The following SLC16A7 variants were observed in gnomAD, a reference collection of about 807,000 sequenced individuals.
The protein encoded by SLC16A7 is monocarboxylate transporter 2.
In SLC16A7, 33 loss-of-function variants were observed where a neutral mutation model predicts 34.9. The ratio of observed to expected loss-of-function variants is 0.94; its 90% CI spans 0.72 to 1.26. The LOEUF is 1.26. Among genes scored for constraint, SLC16A7 ranks in the 50% most tolerant of loss-of-function variants. The pLI is 0.00. For synonymous variants in SLC16A7, 201 were observed against 206.6 expected (o/e 0.97, Z 0.23); for missense variants, 573 against 578.1 (o/e 0.99, Z 0.09).
intron 3 of SLC16A7, among the ~76,000 whole-genome samples, chr12:59,756,245 A>G (rs890624687): frequency 3.3e-5 from 5 of 152,232 alleles, no homozygotes; most frequent in African/African-American, 1.2e-4. Flanking sequence ...CAAAAGCCAA[A>G]ATTGACAAAT....
chr12:59,664,532 A>G (rs2137034108), intron 2 of SLC16A7: 1 of 152,264 alleles, frequency 6.6e-6, no homozygotes, highest in East Asian at 1.9e-4. Context: ...GAGTCACTAA[A>G]CTATTAATGT....
chr12:59,623,792 A>G (rs1480115826), intron 1 of SLC16A7, among the ~76,000 whole-genome samples: 3 of 151,678 alleles, frequency 2.0e-5, no homozygotes, highest in African/African-American at 7.2e-5. Flanking sequence ...AGAAAATAAC[A>G]GAGTCTTGTT....
intron 1 of SLC16A7, among the ~76,000 whole-genome samples, chr12:59,605,007 C>G (rs771691139): frequency 6.6e-6 from 1 of 151,960 alleles, no homozygotes; most frequent in Non-Finnish European, 1.5e-5. Flanking sequence ...CCACCACGCC[C>G]GGCTAATTTT....
At chr12:59,614,376 T>C (rs1186002537) in intron 1 of SLC16A7, among the ~76,000 whole-genome samples, 1 of 152,084 alleles carries the variant, frequency 6.6e-6, no homozygotes, top group Non-Finnish European at 1.5e-5. Context: ...CTCCAGAAAA[T>C]GACCATCTCT....
At chr12:59,629,590 C>G (rs1429593767) in intron 1 of SLC16A7, among the ~76,000 whole-genome samples, 1 of 151,932 alleles carries the variant, frequency 6.6e-6, no homozygotes, top group Non-Finnish European at 1.5e-5. Context: ...GTGGTAGACT[C>G]TATTATAAGC....
intron 3 of SLC16A7, among the ~76,000 whole-genome samples, chr12:59,725,158 G>A (rs61933776): frequency 0.076 from 11,613 of 151,966 alleles, 537 homozygotes; most frequent in Middle Eastern, 0.17. Flanking sequence ...TTTTTGATGC[G>A]TTCTTAATGC....
chr12:59,628,393 A>G (rs1880020928), intron 1 of SLC16A7, among the ~76,000 whole-genome samples: 1 of 151,832 alleles, frequency 6.6e-6, no homozygotes, highest in South Asian at 2.1e-4. Context: ...TATGTCTTTG[A>G]ATACTCTGTT....
chr12:59,611,093 A>G (rs560314857), intron 1 of SLC16A7, among the ~76,000 whole-genome samples: 1 of 152,320 alleles, frequency 6.6e-6, no homozygotes, highest in Admixed American at 6.5e-5. Context: ...AAGGTCACTA[A>G]TTCCATTCAT....
intron 2 of SLC16A7, among the ~76,000 whole-genome samples, chr12:59,687,896 A>G (rs1414166472): frequency 7.2e-5 from 11 of 152,124 alleles, no homozygotes; most frequent in Middle Eastern, 3.2e-3. Flanking sequence ...CCTAAAGTCA[A>G]TGGATGGGGG....
intron 3 of SLC16A7, among the ~76,000 whole-genome samples, chr12:59,768,674 C>T (rs986319043): frequency 2.6e-5 from 4 of 152,056 alleles, no homozygotes; most frequent in African/African-American, 9.7e-5. Context: ...GAAGAATCAA[C>T]TGATGCAACA....
intron 2 of SLC16A7, among the ~76,000 whole-genome samples, chr12:59,694,439 C>G (rs1454778296): frequency 6.6e-6 from 1 of 151,830 alleles, no homozygotes; most frequent in Non-Finnish European, 1.5e-5. Context: ...AAGTGTACAC[C>G]CATGAAACCG....
At chr12:59,656,807 T>G in intron 2 of SLC16A7, among the ~76,000 whole-genome samples, 1 of 151,936 alleles carries the variant, frequency 6.6e-6, no homozygotes, top group East Asian at 1.9e-4. Flanking sequence ...AGGGCTAGGT[T>G]GTAATATGTC....
intron 1 of SLC16A7, among the ~76,000 whole-genome samples, chr12:59,606,527 C>T (rs1878947261): frequency 6.6e-6 from 1 of 152,072 alleles, no homozygotes; most frequent in Non-Finnish European, 1.5e-5. Context: ...TTTGAATCCT[C>T]ATATTGTCAT....
chr12:59,704,637 G>A, intron 2 of SLC16A7, 135 bp from the exon 3 acceptor site: 1 of 586,994 alleles, frequency 1.7e-6, no homozygotes. Context: ...AATTTTCTGA[G>A]TATAAGAGTG....
At chr12:59,652,298 C>T (rs1448018107) in intron 1 of SLC16A7, among the ~76,000 whole-genome samples, 1 of 151,916 alleles carries the variant, frequency 6.6e-6, no homozygotes, top group African/African-American at 2.4e-5. Context: ...CCTATTATAT[C>T]ATACATTCCT....
intron 2 of SLC16A7, among the ~76,000 whole-genome samples, chr12:59,697,050 CTT>C (rs770749182): frequency 2.6e-5 from 4 of 151,740 alleles, no homozygotes; most frequent in Non-Finnish European, 5.9e-5. Flanking sequence ...GGCAAGGAAA[CTT>C]TTGAAAGGAA....
chr12:59,771,619 C>CT (rs1034938128), intron 4 of SLC16A7, among the ~76,000 whole-genome samples: 9 of 151,978 alleles, frequency 5.9e-5, no homozygotes, highest in African/African-American at 2.2e-4. Context: ...CTTTAGTTTG[C>CT]TTTTTTTCCT....
intron 3 of SLC16A7, among the ~76,000 whole-genome samples, chr12:59,715,583 G>A (rs1170458229): frequency 6.6e-6 from 1 of 152,160 alleles, no homozygotes; most frequent in African/African-American, 2.4e-5. Flanking sequence ...GACCAAGAAA[G>A]CAGTTCATCA....
At chr12:59,647,244 A>G (rs1868263751) in intron 1 of SLC16A7, among the ~76,000 whole-genome samples, 1 of 152,100 alleles carries the variant, frequency 6.6e-6, no homozygotes, top group African/African-American at 2.4e-5. Flanking sequence ...TAGTTCCCAT[A>G]ATCCCCATGT....
Sources: allele counts gnomAD v4.1 joint callset (sites outside exome capture counted in the v4.1 genomes callset), GRCh38; gene constraint gnomAD v4.1.1; transcripts MANE v1.5; gene names NCBI Gene and HGNC (gene_info 2026-07-23, HGNC 2026-07-21).